MKX: variants seen among roughly 807,000 people sequenced by gnomAD.
MKX encodes the protein homeobox protein Mohawk.
MKX carries 13 observed loss-of-function variants against 36.0 expected under a neutral mutation model. The ratio of observed to expected loss-of-function variants is 0.36; its 90% CI spans 0.24 to 0.57. The LOEUF is 0.57. Ranked by LOEUF, MKX falls within the 20% of genes least tolerant of loss-of-function variation. MKX has a pLI of 0.79. For missense variants in MKX, 458 were observed against 456.4 expected (o/e 1.00, Z -0.03); for synonymous variants, 176 against 178.3 (o/e 0.99, Z 0.10).
intron 5 of MKX, among the ~76,000 whole-genome samples, chr10:27,706,013 T>C (rs1836740792): frequency 6.6e-6 from 1 of 152,140 alleles, no homozygotes; most frequent in Non-Finnish European, 1.5e-5. Flanking sequence ...AAACTTGATA[T>C]TCATTAAACT....
At chr10:27,733,428 T>C (rs1834678060) in intron 5 of MKX, among the ~76,000 whole-genome samples, 1 of 152,194 alleles carries the variant, frequency 6.6e-6, no homozygotes, top group Non-Finnish European at 1.5e-5. Flanking sequence ...GGGCCTAGTA[T>C]ACCATAACTA....
chr10:27,701,336 T>C (rs1427839311), intron 5 of MKX, among the ~76,000 whole-genome samples: 1 of 116,756 alleles, frequency 8.6e-6, no homozygotes, highest in African/African-American at 3.1e-5. Flanking sequence ...TATCTCATTA[T>C]GTTTGAGCTT....
intron 5 of MKX, among the ~76,000 whole-genome samples, chr10:27,713,499 A>T (rs1443250156): frequency 6.6e-6 from 1 of 152,202 alleles, no homozygotes; most frequent in South Asian, 2.1e-4. Context: ...ACACAGTAAA[A>T]TCAAGTGGAA....
At chr10:27,700,431 T>C (rs1046795953) in intron 5 of MKX, among the ~76,000 whole-genome samples, 2 of 152,148 alleles carry the variant, frequency 1.3e-5, no homozygotes, top group Non-Finnish European at 2.9e-5. Context: ...CATCTTGGAG[T>C]AATGTTTACA....
chr10:27,710,043 C>T (rs1196147402), intron 5 of MKX, among the ~76,000 whole-genome samples: 1 of 152,112 alleles, frequency 6.6e-6, no homozygotes, highest in Non-Finnish European at 1.5e-5. Context: ...TCAATTTGGA[C>T]TAGTCATATT....
intron 5 of MKX, among the ~76,000 whole-genome samples, chr10:27,685,385 T>C (rs1446039858): frequency 2.6e-5 from 4 of 152,038 alleles, no homozygotes; most frequent in African/African-American, 7.2e-5. Flanking sequence ...GTCCAGATTG[T>C]AGAATAGGGA....
intron 5 of MKX, among the ~76,000 whole-genome samples, chr10:27,704,452 TAAAACAGGATAGGACAGAAACATGAGTAA>T (rs1425518197): frequency 1.3e-5 from 2 of 151,250 alleles, no homozygotes; most frequent in Non-Finnish European, 1.5e-5. Flanking sequence ...CCTCCATAAT[TAAAACAGGATAGGACAGAAACATGAGTAA>T]AAAGAAAAAT....
rs142290472 is a variant in MKX, at chr10:27,743,364, C to G, written c.52G>C (p.Gly18Arg). Residue 18 changes from glycine (G) to arginine (R), a missense_variant, in exon 2 of 7, where the codon GGA (glycine) becomes CGA (arginine). Around this residue, in one of 3 missense-constraint regions of MKX, gnomAD observed 149 missense variants for 114.3 expected, o/e 1.30. Transcript: ENST00000419761. ...CCCCGCTCCCGCTCCGAGGCGCCTC[C>G]GTCCTCAAACAGCACCGCACCGCTG... Reference protein sequence around the residue: ...KLSGAVLFEDGGASERERGGR... With the variant: ...KLSGAVLFEDRGASERERGGR... 7.0e-5 allele frequency: 110 copies of G among 1,577,560 alleles called. No homozygotes were observed. The highest frequency in any genetic ancestry group is 8.8e-5 in the Non-Finnish European group (102 of 1,164,308).
intron 5 of MKX, among the ~76,000 whole-genome samples, chr10:27,721,779 TAAAATAAA>T (rs1173966951): frequency 1.3e-5 from 2 of 152,124 alleles, no homozygotes; most frequent in Non-Finnish European, 2.9e-5. Context: ...TCCCAGAACT[TAAAATAAA>T]AAGGAAATCA....
intron 5 of MKX, among the ~76,000 whole-genome samples, chr10:27,708,513 C>T (rs113277880): frequency 1.2e-4 from 19 of 152,208 alleles, no homozygotes; most frequent in Non-Finnish European, 2.2e-4. Flanking sequence ...GGGCAGATCA[C>T]GAGGTCAGGA....
chr10:27,689,923 T>G (rs1836423204), intron 5 of MKX, among the ~76,000 whole-genome samples: 1 of 152,204 alleles, frequency 6.6e-6, no homozygotes, highest in African/African-American at 2.4e-5. Flanking sequence ...GGACAGCTCT[T>G]GCTAACCGGA....
In MKX at chr10:27,735,366, A is replaced by G; in HGVS notation, c.357T>C (p.Asn119=). The change falls in exon 4 of 7, where the codon AAT becomes AAC. Residue 119 remains asparagine, a synonymous_variant. Coordinates refer to ENST00000419761, the MANE Select transcript of MKX (RefSeq NM_173576.3). ...GCCGACGTCTTGCATTAGCAAACCA[A>G]TTTGACACCTAAAACAGTATTATTT... ...GSQMTLVQVS[N]WFANARRRLK... The G allele has an allele frequency of 1.9e-6, 3 of 1,611,354 alleles. No individual in the cohort carries two copies. Among genetic ancestry groups the G allele is most frequent in the Middle Eastern group, 1.7e-4 (1 of 6,050 alleles).
chr10:27,682,550 C>G (rs1836272069), intron 5 of MKX, among the ~76,000 whole-genome samples: 1 of 152,124 alleles, frequency 6.6e-6, no homozygotes, highest in South Asian at 2.1e-4. Flanking sequence ...TTATTTTTTA[C>G]TAGCGGTCCT....
At chr10:27,711,499 T>TCTTCCTTTC (rs1554772224) in intron 5 of MKX, among the ~76,000 whole-genome samples, 3 of 93,032 alleles carry the variant, frequency 3.2e-5, no homozygotes, top group African/African-American at 1.6e-4. Context: ...CTCTCTCTTC[T>TCTTCCTTTC]TTCCTTCCTT....
chr10:27,718,561 C>T (rs1046684392), intron 5 of MKX: 3 of 440,896 alleles, frequency 6.8e-6, no homozygotes, highest in Non-Finnish European at 9.1e-6. Context: ...TTTAAAAAAT[C>T]CCAGGAGTCC....
intron 5 of MKX, among the ~76,000 whole-genome samples, chr10:27,733,786 C>A (rs1834687942): frequency 6.6e-6 from 1 of 152,206 alleles, no homozygotes; most frequent in Non-Finnish European, 1.5e-5. Context: ...ACCTACTACT[C>A]CATCTGAAAG....
Position 27,674,963 on chromosome 10 carries a change from C to G in MKX, c.*266G>C. 2 of 298,970 alleles carry G rather than the reference C, an allele frequency of 6.7e-6. No individual in the cohort carries two copies. The highest frequency in any genetic ancestry group is 1.2e-5 in the Non-Finnish European group (2 of 160,466). 18.5% of individuals were successfully genotyped at this position (298,970 alleles called of 1,614,324 possible). The stretch of plus-strand genomic sequence containing the variant: ...CTATGCCCACGTTGGAGCTTATTGT[C>G]GGGAAGCAAGGCACTTACTGTAATG... On this transcript the variant is annotated 3_prime_UTR_variant, in exon 7 of 7. Transcript: ENST00000419761.
At chr10:27,723,835 T>C (rs1834430331) in intron 5 of MKX, among the ~76,000 whole-genome samples, 1 of 152,158 alleles carries the variant, frequency 6.6e-6, no homozygotes, top group South Asian at 2.1e-4. Context: ...GAACAGGGCA[T>C]TCTTACTTGA....
At chr10:27,700,964 G>A (rs540317916) in intron 5 of MKX, among the ~76,000 whole-genome samples, 85 of 152,202 alleles carry the variant, frequency 5.6e-4, no homozygotes, top group African/African-American at 1.9e-3. Flanking sequence ...CATAGTAGGT[G>A]TATATACCTA....
Sources: gnomAD v4.1 joint callset for allele counts (sites outside exome capture counted in the v4.1 genomes callset) on GRCh38, gnomAD v4.1.1 for gene constraint, gnomAD v4.1.1 regional missense constraint, MANE v1.5 for transcripts, NCBI Gene and HGNC (gene_info 2026-07-23, HGNC 2026-07-21) for gene names.